The following DCAF4 variants were observed in gnomAD, a reference collection of about 807,000 sequenced individuals.
DCAF4 encodes DDB1 and CUL4 associated factor 4, also known as DDB1- and CUL4-associated factor 4.
In DCAF4, 37 loss-of-function variants were observed where a neutral mutation model predicts 60.9. That is an observed-to-expected ratio of 0.61 (90% CI 0.47 to 0.80). The LOEUF (loss-of-function observed/expected upper bound fraction) is 0.80, where lower values mean the gene tolerates loss of function less well. Among genes scored for constraint, DCAF4 ranks in the 30% least tolerant of loss-of-function variants. The pLI, the probability that DCAF4 is intolerant of heterozygous loss-of-function variation, is 0.00. For missense variants in DCAF4, 577 were observed against 650.0 expected, an observed-to-expected ratio of 0.89 and a Z score of 1.22; for synonymous variants, 243 against 254.8, an observed-to-expected ratio of 0.95 and a Z score of 0.44.
At chr14:72,927,441 C>T (rs1201615065) in intron 1 of DCAF4, among the ~76,000 whole-genome samples, 6 of 148,236 alleles carry the variant, frequency 4.0e-5, no homozygotes, top group East Asian at 4.0e-4. Flanking sequence ...AGCCTCCGCC[C>T]CCGGGGTTCA....
chr14:72,951,085 A>G (rs1462909041), intron 8 of DCAF4, among the ~76,000 whole-genome samples: 3 of 151,992 alleles, frequency 2.0e-5, no homozygotes, highest in East Asian at 1.9e-4. Context: ...GGCTCAAGCA[A>G]TCCTCCCACC....
intron 1 of DCAF4, chr14:72,935,213 C>T (rs1385086829): frequency 6.6e-6 from 1 of 151,988 alleles, no homozygotes; most frequent in Non-Finnish European, 1.5e-5. Context: ...AGCCTTTAAA[C>T]TCTTACTGTA....
At chr14:72,952,898 T>G (rs1261688399) in intron 9 of DCAF4, among the ~76,000 whole-genome samples, 1 of 150,910 alleles carries the variant, frequency 6.6e-6, no homozygotes, top group Non-Finnish European at 1.5e-5. Flanking sequence ...TTTCACCATG[T>G]TGGTTAGGCT....
rs1165286036 is a variant in DCAF4, at chr14:72,936,018, C to A, written c.-8-1953C>A. ...GCCCAGGCTGGTCTCAAACTCTGGG[C>A]TCAAGAGATCCTCCCACTTCAGCCT... On this transcript the variant is annotated intron_variant, in intron 1 of 13. Transcript: ENST00000358377. Among the ~76,000 whole-genome samples, 10 of 152,222 alleles carry A rather than the reference C, an allele frequency of 6.6e-5. No homozygotes were observed. The East Asian group carries it at 1.9e-3, about 29-fold the overall frequency.
In DCAF4 at chr14:72,939,837, C is replaced by A; in HGVS notation, c.128C>A (p.Ser43Tyr). The change falls in exon 3 of 14, where the codon TCC becomes TAC. Residue 43 changes from serine to tyrosine, a missense_variant. Ser to Tyr is a moderately radical substitution (Grantham distance 144). Coordinates refer to ENST00000358377, the MANE Select transcript of DCAF4 (RefSeq NM_015604.4). ...DSRAAQPAHD[S>Y]GHGDDESPST... is the part of the protein sequence containing the mutation. ...CGGGCAGCACAGCCCGCTCACGATT[C>A]CGGCCACGGTGATGACGAGTCTCCG... 6.2e-7 allele frequency: 1 copy of A among 1,613,280 alleles called. No individual in the cohort carries two copies. The highest frequency in any genetic ancestry group is 8.5e-7 in the Non-Finnish European group (1 of 1,179,678).
Position 72,958,744 on chromosome 14 carries a change from G to A in DCAF4, c.1427G>A (p.Arg476Gln), listed in dbSNP as rs1275378651. ...TTCTCGTCGCGGCTGGGGGGCTCCC[G>A]GGGCGCGCCGGGGCTGCTCATGGCT... ...VAFSSRLGGS[R>Q]GAPGLLMAVG... is the part of the protein sequence containing the mutation. The change falls in exon 14 of 14, where the codon CGG (arginine) becomes CAG (glutamine). Residue 476 changes from arginine to glutamine, a missense_variant. Arg to Gln is a conservative substitution (Grantham distance 43). Transcript: ENST00000358377. 2.5e-5 allele frequency: 41 copies of A among 1,609,676 alleles called. No individual in the cohort carries two copies. The highest frequency in any genetic ancestry group is 8.5e-5 in the Admixed American group (5 of 59,106).
chr14:72,951,355 T>TA (rs1199587933), intron 8 of DCAF4, among the ~76,000 whole-genome samples: 3 of 152,106 alleles, frequency 2.0e-5, no homozygotes, highest in African/African-American at 7.2e-5. Flanking sequence ...CTCACCCCTA[T>TA]AATCCCAGCA....
At chr14:72,937,410 CTTTTTTT>C (rs11288108) in intron 1 of DCAF4, among the ~76,000 whole-genome samples, 4 of 105,752 alleles carry the variant, frequency 3.8e-5, no homozygotes, top group Non-Finnish European at 7.3e-5. Context: ...TTTTTCTTTT[CTTTTTTT>C]TTTTTTTTTT....
rs545268013 is a variant in DCAF4, at chr14:72,929,892, C to A, written c.-9+3349C>A. 1.0e-5 allele frequency: 15 copies of A among 1,472,158 alleles called. No homozygotes were observed. In the East Asian group the frequency reaches 3.4e-4, roughly 33 times the overall value. 91.2% of individuals were successfully genotyped at this position (1,472,158 alleles called of 1,614,324 possible). On this transcript the variant is annotated intron_variant, in intron 1 of 13. Coordinates refer to ENST00000358377, the MANE Select transcript of DCAF4 (RefSeq NM_015604.4). Reference sequence around the variant, plus strand: ...TCACGTTCTTGGTCACCTTGTGGCCCTTGTTGAGGCCCACGGCCATAAGGT... The same window carrying A: ...TCACGTTCTTGGTCACCTTGTGGCCATTGTTGAGGCCCACGGCCATAAGGT...
chr14:72,929,611 C>T, intron 1 of DCAF4: 2 of 1,107,340 alleles, frequency 1.8e-6, no homozygotes, highest in South Asian at 2.6e-5. Flanking sequence ...GGGGAGGGGG[C>T]TCAGTCTTTC....
At chr14:72,951,741 C>T (rs1387384724) in intron 8 of DCAF4, 57 bp from the exon 9 acceptor site, 1 of 1,553,518 alleles carries the variant, frequency 6.4e-7, no homozygotes, top group South Asian at 1.1e-5. Context: ...GGTAAATGTC[C>T]ATGCCTCCTC....
intron 6 of DCAF4, among the ~76,000 whole-genome samples, chr14:72,944,552 G>C (rs1890473901): frequency 6.6e-6 from 1 of 152,136 alleles, no homozygotes; most frequent in African/African-American, 2.4e-5. Flanking sequence ...CAGCATTTTG[G>C]GAGGCCTCAG....
chr14:72,931,513 G>C (rs1166699485), intron 1 of DCAF4, among the ~76,000 whole-genome samples: 2 of 152,076 alleles, frequency 1.3e-5, no homozygotes, highest in Non-Finnish European at 2.9e-5. Context: ...ATGTTTGGTT[G>C]CCTTTTCTTT....
chr14:72,953,246 C>T (rs145000586), intron 9 of DCAF4, among the ~76,000 whole-genome samples: 133 of 146,692 alleles, frequency 9.1e-4, no homozygotes, highest in African/African-American at 3.0e-3. Context: ...GTGATCCACC[C>T]GCTTCGGCCT....
At position 72,951,071 on chromosome 14, in the gene DCAF4, C is replaced by G. The variant is rs184561403; in HGVS notation, c.729-727C>G. Among the ~76,000 whole-genome samples, 4 of 152,138 alleles carry G rather than the reference C, an allele frequency of 2.6e-5. No homozygotes were observed. The East Asian group carries it at 7.8e-4, about 30-fold the overall frequency. ...TCACAGCTCACCGCAGCCTTGACTT[C>G]CAAGGCTCAAGCAATCCTCCCACCT... On this transcript the variant is annotated intron_variant, in intron 8 of 13. Transcript: ENST00000358377.
chr14:72,953,778 TTATTTGTGTGTGTGTG>T (rs1449506165), intron 9 of DCAF4, among the ~76,000 whole-genome samples: 2,506 of 32,368 alleles, frequency 0.077, 412 homozygotes, highest in East Asian at 0.16. Flanking sequence ...ATTTATTTAT[TTATTTGTGTGTGTGTG>T]TGTGTGTGTG....
rs1567304591 is a variant in DCAF4, at chr14:72,939,894, C to G, written c.185C>G (p.Ser62Cys). ...TCGTCTGGCACAGCTGGGACCTCCT[C>G]TGTGCCAGGTAAGGCCACTTGCGGG... ...STSSGTAGTS[S>C]VPELPGFYFD... The change falls in exon 3 of 14, where the codon TCT becomes TGT. Residue 62 changes from serine (S) to cysteine (C), a missense_variant. By Grantham distance (112) the Ser-to-Cys change is moderately radical. Coordinates refer to ENST00000358377, the MANE Select transcript of DCAF4 (RefSeq NM_015604.4). The G allele has an allele frequency of 1.2e-6, 2 of 1,607,416 alleles. No individual in the cohort carries two copies. The highest frequency in any genetic ancestry group is 1.3e-5 in the African/African-American group (1 of 74,726).
intron 1 of DCAF4, among the ~76,000 whole-genome samples, chr14:72,934,316 G>C (rs907593050): frequency 2.0e-5 from 3 of 152,070 alleles, no homozygotes; most frequent in African/African-American, 4.8e-5. Flanking sequence ...ACCATGCCTG[G>C]CTAATTTTTG....
Position 72,940,370 on chromosome 14 carries a change from G to A in DCAF4, c.344G>A (p.Arg115Gln), listed in dbSNP as rs749413805. ...RLRLLQEEDR[R>Q]KKIARMGFNA... is the part of the protein sequence containing the mutation. The stretch of plus-strand genomic sequence containing the variant: ...CGGCTGCTCCAGGAAGAAGACAGAC[G>A]GAAAAAGGTGGGCTCCTCACCCCTT... The change falls in exon 4 of 14, where the codon CGG becomes CAG. Residue 115 changes from arginine to glutamine, a missense_variant. Arg to Gln is a conservative substitution (Grantham distance 43). Transcript: ENST00000358377. The A allele has an allele frequency of 2.4e-5, 39 of 1,607,868 alleles. 1 individual carries two copies. Among genetic ancestry groups the A allele is most frequent in the Middle Eastern group, 1.7e-4 (1 of 6,054 alleles).
Sources: gnomAD v4.1 joint callset for allele counts (sites outside exome capture counted in the v4.1 genomes callset) on GRCh38, gnomAD v4.1.1 for gene constraint, MANE v1.5 for transcripts, NCBI Gene and HGNC (gene_info 2026-07-23, HGNC 2026-07-21) for gene names.